Variants in SFMBT2 observed in about 807,000 individuals in gnomAD.
SFMBT2 encodes Scm like with four mbt domains 2.
Under a neutral mutation model 110.1 loss-of-function variants are expected in SFMBT2, and 38 were observed. The ratio of observed to expected loss-of-function variants is 0.35; its 90% CI spans 0.27 to 0.45. The LOEUF (loss-of-function observed/expected upper bound fraction) is 0.45. SFMBT2 is among the 20% of genes least tolerant of loss of function. The pLI, the probability that SFMBT2 is intolerant of heterozygous loss-of-function variation, is 1.00. For missense variants in SFMBT2, 1,011 were observed against 1,094.9 expected (o/e 0.92, Z 1.08); for synonymous variants, 425 against 425.4 (o/e 1.00, Z 0.01).
chr10:7,405,096 G>A (rs1846177875), intron 1 of SFMBT2, among the ~76,000 whole-genome samples: 1 of 152,156 alleles, frequency 6.6e-6, no homozygotes, highest in South Asian at 2.1e-4. Flanking sequence ...ACAAAGAGAG[G>A]AAGACCTGCC....
At chr10:7,194,169 G>A (rs753120705) in intron 15 of SFMBT2, among the ~76,000 whole-genome samples, 3 of 152,126 alleles carry the variant, frequency 2.0e-5, no homozygotes, top group East Asian at 1.9e-4. Flanking sequence ...TATGGGGTAC[G>A]TCTGGACCTC....
At chr10:7,376,432 C>G (rs1244463129) in intron 2 of SFMBT2, among the ~76,000 whole-genome samples, 1 of 151,886 alleles carries the variant, frequency 6.6e-6, no homozygotes, top group Non-Finnish European at 1.5e-5. Context: ...GAAAAAGGTC[C>G]CCCCACCCTG....
intron 7 of SFMBT2, 77 bp downstream of exon 7, chr10:7,276,815 T>C (rs1841790976): frequency 1.3e-6 from 1 of 774,800 alleles, no homozygotes; most frequent in Non-Finnish European, 2.4e-6. Flanking sequence ...CATGAGCCAC[T>C]GCGCCCGGCC....
At chr10:7,256,667 C>G (rs369329986) in intron 7 of SFMBT2, among the ~76,000 whole-genome samples, 1 of 152,132 alleles carries the variant, frequency 6.6e-6, no homozygotes, top group African/African-American at 2.4e-5. Flanking sequence ...GACTTCCATG[C>G]GATGTTATCG....
chr10:7,332,664 A>C (rs923039823), intron 4 of SFMBT2, among the ~76,000 whole-genome samples: 3 of 152,170 alleles, frequency 2.0e-5, no homozygotes, highest in African/African-American at 7.2e-5. Flanking sequence ...TCTCCTAGGA[A>C]AAAAAAATTA....
intron 16 of SFMBT2, among the ~76,000 whole-genome samples, chr10:7,177,468 C>T (rs1564368591): frequency 6.6e-6 from 1 of 152,076 alleles, no homozygotes; most frequent in Non-Finnish European, 1.5e-5. Flanking sequence ...AAGCCATAAC[C>T]CCCGATAGGA....
In SFMBT2 at chr10:7,171,265, T is replaced by G; in HGVS notation, c.2416-209A>C. 1 of 753,230 alleles carries G rather than the reference T, an allele frequency of 1.3e-6. No homozygotes were observed. Among genetic ancestry groups the G allele is most frequent in the Non-Finnish European group, 1.6e-6 (1 of 618,076 alleles). 46.7% of individuals were successfully genotyped at this position (753,230 alleles called of 1,614,324 possible). On this transcript the variant is annotated intron_variant, in intron 19 of 20. Transcript: ENST00000397167. The surrounding 1 kb of genome is among the most constrained non-coding windows in gnomAD (Gnocchi z 4.9). ...TGCCCCCTGCAATGACTCATGTGCC[T>G]TCAGATGGAAGAAGGCAGGCACAGT... is the stretch of plus-strand genomic sequence containing the variant.
At chr10:7,338,641 G>A (rs968315281) in intron 4 of SFMBT2, among the ~76,000 whole-genome samples, 6 of 152,188 alleles carry the variant, frequency 3.9e-5, no homozygotes, top group South Asian at 2.1e-4. Flanking sequence ...TGGTCTTGCT[G>A]TCTCAGGGGT....
intron 4 of SFMBT2, among the ~76,000 whole-genome samples, chr10:7,346,879 A>C (rs1036301784): frequency 7.9e-5 from 12 of 151,696 alleles, no homozygotes; most frequent in African/African-American, 2.7e-4. Context: ...CCAGCTACTC[A>C]GGAGGCTGAG....
At chr10:7,288,766 C>T (rs896265821) in intron 4 of SFMBT2, among the ~76,000 whole-genome samples, 1 of 151,996 alleles carries the variant, frequency 6.6e-6, no homozygotes, top group Non-Finnish European at 1.5e-5. Flanking sequence ...TGCGGTGGCT[C>T]ACACCTGCAA....
At chr10:7,187,064 G>A (rs138146568) in intron 16 of SFMBT2, among the ~76,000 whole-genome samples, 1 of 152,306 alleles carries the variant, frequency 6.6e-6, no homozygotes, top group African/African-American at 2.4e-5. Context: ...AAAAAGCTCT[G>A]ATCGACTTGG....
In SFMBT2 at chr10:7,170,417, C is replaced by A. The variant is rs986430137; in HGVS notation, c.2544+511G>T. 6.6e-6 allele frequency among the ~76,000 whole-genome samples: 1 copy of A among 152,158 alleles called. No homozygotes were observed. The highest frequency in any genetic ancestry group is 1.5e-5 in the Non-Finnish European group (1 of 68,024). On this transcript the variant is annotated intron_variant, in intron 20 of 20. Transcript: ENST00000397167. The surrounding 1 kb of genome is among the most constrained non-coding windows in gnomAD (Gnocchi z 4.6). ...GCTGAACATCACAGGGAGGGCTGGA[C>A]GGACCCCACTGAGAGCAGCCAAGGC...
At chr10:7,274,702 T>C (rs940493477) in intron 7 of SFMBT2, among the ~76,000 whole-genome samples, 7 of 152,092 alleles carry the variant, frequency 4.6e-5, no homozygotes, top group Non-Finnish European at 8.8e-5. Flanking sequence ...AACAAACTAA[T>C]ACATTAGCTA....
rs1229829614 is a variant in SFMBT2 at position 7,228,689 on chromosome 10, TTCTTTC to T, written c.1121-758_1121-753del. On this transcript the variant is annotated intron_variant, in intron 9 of 20. Transcript: ENST00000397167. ...TAAAGTGGCTTCTTTCTTTCTTTCT[TTCTTTC>T]TTTCTTTCTTTCTTTCTTTCTTTCT... Among the ~76,000 whole-genome samples the T allele has an allele frequency of 1.0e-4, 12 of 118,352 alleles. No individual in the cohort carries two copies. In the South Asian group the frequency reaches 2.5e-3, roughly 25 times the overall value. 77.6% of individuals were successfully genotyped at this position (118,352 alleles called of 152,430 possible). A position where few individuals can be genotyped will look rare whatever the true frequency, so the allele number is the denominator to read the frequency against.
intron 3 of SFMBT2, chr10:7,368,406 C>T: frequency 2.0e-6 from 2 of 981,642 alleles, no homozygotes; most frequent in African/African-American, 1.7e-5. Flanking sequence ...CCAGAAAAAG[C>T]TTTCCAGCCT....
intron 20 of SFMBT2, among the ~76,000 whole-genome samples, chr10:7,169,404 T>C (rs1416521704): frequency 1.3e-5 from 2 of 152,198 alleles, no homozygotes; most frequent in Admixed American, 1.3e-4. Context: ...CTGGAGACCA[T>C]TTTAATTTGC....
intron 7 of SFMBT2, among the ~76,000 whole-genome samples, chr10:7,275,547 G>A (rs535563434): frequency 6.6e-6 from 1 of 152,186 alleles, no homozygotes; most frequent in Non-Finnish European, 1.5e-5. Context: ...TGGTCAGTGA[G>A]GCAAAAAATA....
intron 20 of SFMBT2, among the ~76,000 whole-genome samples, chr10:7,164,728 C>T (rs1406040715): frequency 6.7e-6 from 1 of 149,948 alleles, no homozygotes; most frequent in African/African-American, 2.5e-5. Flanking sequence ...AACGACAGCA[C>T]AGGTTTCCAT....
intron 14 of SFMBT2, among the ~76,000 whole-genome samples, chr10:7,198,906 T>C (rs1838862190): frequency 6.6e-6 from 1 of 152,076 alleles, no homozygotes. Flanking sequence ...CCGGGCATGG[T>C]AGCATGCGCC....
Sources: gnomAD v4.1 joint callset for allele counts (sites outside exome capture counted in the v4.1 genomes callset) on GRCh38, gnomAD v4.1.1 for gene constraint, Gnocchi (gnomAD v3.1) non-coding constraint, MANE v1.5 for transcripts, NCBI Gene and HGNC (gene_info 2026-07-23, HGNC 2026-07-21) for gene names.